The following CPAMD8 variants were observed in gnomAD, a reference collection of about 807,000 sequenced individuals.
CPAMD8 encodes C3 and PZP-like alpha-2-macroglobulin domain-containing protein 8.
In CPAMD8, 146 loss-of-function variants were observed where a neutral mutation model predicts 224.7. That is an observed-to-expected ratio of 0.65 (90% confidence interval 0.57 to 0.75). CPAMD8 has a LOEUF of 0.75. Among genes scored for constraint, CPAMD8 ranks in the 30% least tolerant of loss-of-function variants. CPAMD8 has a pLI of 0.00. For missense variants in CPAMD8, 2,301 were observed against 2,537.5 expected (o/e 0.91, Z 2.00); for synonymous variants, 966 against 1,044.6 (o/e 0.92, Z 1.45).
intron 20 of CPAMD8, among the ~76,000 whole-genome samples, chr19:16,950,007 G>C (rs888112397): frequency 6.6e-6 from 1 of 152,130 alleles, no homozygotes; most frequent in Admixed American, 6.5e-5. Flanking sequence ...TTGATAAAAT[G>C]ATGAAGGTGG....
At position 17,012,487 on chromosome 19, in the gene CPAMD8, A is replaced by G. The variant is rs58943956; in HGVS notation, c.268-730T>C. ...CTCAGCCTCCCAAAGAGCTGGGACT[A>G]CAGGCATGCACCACCAAGCCAGGCT... On this transcript the variant is annotated intron_variant, in intron 3 of 41. Transcript: ENST00000443236. Among the ~76,000 whole-genome samples the G allele has an allele frequency of 8.6e-4, 130 of 151,550 alleles. No individual in the cohort carries two copies. The East Asian group carries it at 0.015, about 17-fold the overall frequency.
At chr19:16,948,312 C>T (rs1328775100) in intron 20 of CPAMD8, among the ~76,000 whole-genome samples, 2 of 152,180 alleles carry the variant, frequency 1.3e-5, no homozygotes, top group South Asian at 2.1e-4. Flanking sequence ...GAGAAGCATG[C>T]GGGGAAAATG....
rs2052142915 is a variant in CPAMD8 at position 16,898,940 on chromosome 19, C to G, written c.4848+535G>C. Among the ~76,000 whole-genome samples, 1 of 151,622 alleles carries G rather than the reference C, an allele frequency of 6.6e-6. No homozygotes were observed. The highest frequency in any genetic ancestry group is 6.6e-5 in the Admixed American group (1 of 15,212). On this transcript the variant is annotated intron_variant, in intron 37 of 41. Transcript: ENST00000443236. This position sits in a 1 kb window ranked among gnomAD's most constrained non-coding sequence, Gnocchi z 4.2. ...TTTTTTGTTTTTTTTTAGACAAGGT[C>G]TTGCAGGTCTTGCTCTGTCACCCAA...
intron 14 of CPAMD8, among the ~76,000 whole-genome samples, chr19:16,979,010 A>G (rs1474389297): frequency 6.7e-6 from 1 of 150,294 alleles, no homozygotes; most frequent in Non-Finnish European, 1.5e-5. Flanking sequence ...TCATCCATCC[A>G]TCTGTTCATC....
At position 16,896,321 on chromosome 19, in the gene CPAMD8, G is replaced by C; in HGVS notation, c.5281C>G (p.Arg1761Gly). The part of the protein sequence containing the change: ...APPSCCALEQ[R>G]LPASSSSTYG... Reference sequence around the variant, plus strand: ...GTGGAGGACGACGAGGCCGGCAGCCGCTGCTCTGGAAGGAAGGGGGCCTCG... The same window carrying C: ...GTGGAGGACGACGAGGCCGGCAGCCCCTGCTCTGGAAGGAAGGGGGCCTCG... Residue 1761 changes from arginine to glycine, a missense_variant, in exon 41 of 42, where the codon CGG becomes GGG. Physicochemically the swap from Arg to Gly is moderately radical, Grantham distance 125 (BLOSUM62 -2). Coordinates refer to ENST00000443236, the MANE Select transcript of CPAMD8 (RefSeq NM_015692.5). 6.2e-7 allele frequency: 1 copy of C among 1,606,152 alleles called. No individual in the cohort carries two copies. The highest frequency in any genetic ancestry group is 8.5e-7 in the Non-Finnish European group (1 of 1,176,564).
chr19:16,941,985 GAAC>G (rs756592978), intron 22 of CPAMD8, among the ~76,000 whole-genome samples: 9 of 151,054 alleles, frequency 6.0e-5, no homozygotes, highest in Admixed American at 2.6e-4. Context: ...ACAACAACAA[GAAC>G]AACAACAACA....
chr19:16,929,466 A>G (rs929182097), intron 23 of CPAMD8, among the ~76,000 whole-genome samples: 6 of 152,334 alleles, frequency 3.9e-5, no homozygotes, highest in African/African-American at 1.4e-4. Context: ...GCACTTTAGG[A>G]GGCTGAGGCA....
intron 29 of CPAMD8, among the ~76,000 whole-genome samples, chr19:16,909,998 C>T (rs62129661): frequency 0.23 from 31,321 of 135,370 alleles, 3,424 homozygotes; most frequent in Middle Eastern, 0.37. Flanking sequence ...ATTACAGGCA[C>T]GTGCCATGGT....
chr19:17,022,242 A>G (rs1384143482), intron 1 of CPAMD8, 61 bp from the exon 2 acceptor site: 4 of 1,560,156 alleles, frequency 2.6e-6, no homozygotes, highest in East Asian at 4.7e-5. Context: ...CGCTGCCACC[A>G]CAGCTAGGTC....
intron 11 of CPAMD8, among the ~76,000 whole-genome samples, chr19:16,996,716 G>T (rs1453993113): frequency 6.6e-6 from 1 of 151,256 alleles, no homozygotes. Context: ...CTACTTGGGA[G>T]GCTGAGGCAG....
At chr19:16,936,686 T>C (rs907759429) in intron 23 of CPAMD8, among the ~76,000 whole-genome samples, 1 of 152,068 alleles carries the variant, frequency 6.6e-6, no homozygotes, top group Non-Finnish European at 1.5e-5. Flanking sequence ...GGATTACAGG[T>C]GTGAGCCACC....
At chr19:16,939,376 T>G (rs974705140) in intron 22 of CPAMD8, among the ~76,000 whole-genome samples, 8 of 151,880 alleles carry the variant, frequency 5.3e-5, no homozygotes, top group Admixed American at 4.6e-4. Flanking sequence ...CCAAGCTAAT[T>G]TTTTATATTT....
chr19:17,021,328 T>C (rs918628077), intron 2 of CPAMD8, among the ~76,000 whole-genome samples: 1 of 152,184 alleles, frequency 6.6e-6, no homozygotes, highest in Non-Finnish European at 1.5e-5. Flanking sequence ...TGCCTGGTTC[T>C]TCTAGGACTA....
rs1308377931 is a variant in CPAMD8, at chr19:16,898,138, ACTTTT to A, written c.4849-149_4849-145del. The A allele has an allele frequency of 1.8e-6, 1 of 565,964 alleles. No homozygotes were observed. The highest frequency in any genetic ancestry group is 3.1e-5 in the East Asian group (1 of 31,846). The allele number at this position is 565,964 out of a possible 1,614,324, so 35.1% of individuals were successfully genotyped here. A position where few individuals can be genotyped will look rare whatever the true frequency, so the allele number is the denominator to read the frequency against. ...TGATCCCATTTTCTTTTTTTCTTTT[ACTTTT>A]CTTTTTTTTTTTTTTTCCTGAGACA... On this transcript the variant is annotated intron_variant, in intron 37 of 41. Coordinates refer to ENST00000443236, the MANE Select transcript of CPAMD8 (RefSeq NM_015692.5). This position sits in a 1 kb window ranked among gnomAD's most constrained non-coding sequence, Gnocchi z 4.2.
chr19:16,904,386 G>A, intron 31 of CPAMD8, 24 bp from the exon 32 acceptor site: 1 of 1,614,002 alleles, frequency 6.2e-7, no homozygotes, highest in African/African-American at 1.3e-5. Context: ...GGCCCACTGG[G>A]GACTTTTGAC....
intron 7 of CPAMD8, among the ~76,000 whole-genome samples, chr19:17,007,993 A>G (rs979357123): frequency 6.6e-6 from 1 of 151,980 alleles, no homozygotes; most frequent in South Asian, 2.1e-4. Context: ...AAATGGTGAA[A>G]CCCCATCTCT....
chr19:16,896,559 G>A lies in CPAMD8; in HGVS notation c.5172C>T (p.Cys1724=), dbSNP rs2052003019. The change falls in exon 40 of 42, where the codon TGC becomes TGT. Residue 1724 remains cysteine, a synonymous_variant. Transcript: ENST00000443236. ...HDCGAQGNPV[C]GSDGVVYASA... is the part of the protein sequence containing the mutation. ...TGGCGTAGACCACCCCGTCGGAGCC[G>A]CACACCGGGTTCCCCTGGGCGCCGC... 2.0e-6 allele frequency: 3 copies of A among 1,506,884 alleles called. No homozygotes were observed. The highest frequency in any genetic ancestry group is 2.6e-5 in the East Asian group (1 of 38,338). 93.3% of individuals were successfully genotyped at this position (1,506,884 alleles called of 1,614,324 possible).
In CPAMD8 at chr19:16,921,863, C is replaced by T. The variant is rs142232220; in HGVS notation, c.3629+42G>A. On this transcript the variant is annotated intron_variant, in intron 27 of 41. Coordinates refer to ENST00000443236, the MANE Select transcript of CPAMD8 (RefSeq NM_015692.5). The stretch of plus-strand genomic sequence containing the variant: ...TTGGATGTGAGGCCATGGCGTCGGG[C>T]GGGGAGCCTCAGAGGCAATGCCCAG... The T allele has an allele frequency of 6.7e-6, 9 of 1,344,986 alleles. No homozygotes were observed. In the African/African-American group the frequency reaches 1.0e-4, roughly 15 times the overall value. The allele number at this position is 1,344,986 out of a possible 1,614,324, so 83.3% of individuals were successfully genotyped here.
rs2052128981 is a variant in CPAMD8, at chr19:16,898,609, T to A, written c.4849-615A>T. ...AAACCCCATCGCCATCAGCACTCAC[T>A]CCCCACTCCCCCAGCCCCTGGCAAC... On this transcript the variant is annotated intron_variant, in intron 37 of 41. Coordinates refer to ENST00000443236, the MANE Select transcript of CPAMD8 (RefSeq NM_015692.5). This position sits in a 1 kb window ranked among gnomAD's most constrained non-coding sequence, Gnocchi z 4.2. Among the ~76,000 whole-genome samples the A allele has an allele frequency of 2.6e-5, 4 of 151,998 alleles. No homozygotes were observed. Among genetic ancestry groups the A allele is most frequent in the Admixed American group, 2.6e-4 (4 of 15,234 alleles).
Sources: allele counts gnomAD v4.1 joint callset (sites outside exome capture counted in the v4.1 genomes callset), GRCh38; gene constraint gnomAD v4.1.1; non-coding constraint Gnocchi (gnomAD v3.1); transcripts MANE v1.5; gene names NCBI Gene and HGNC (gene_info 2026-07-23, HGNC 2026-07-21).